The following SLC25A31 variants were observed in gnomAD, a reference collection of about 807,000 sequenced individuals.
SLC25A31 encodes ADP/ATP translocase 4.
Under a neutral mutation model 36.2 loss-of-function variants are expected in SLC25A31, and 40 were observed. That is an observed-to-expected ratio of 1.10 (90% confidence interval 0.86 to 1.44). The LOEUF (loss-of-function observed/expected upper bound fraction) is 1.44, where lower values mean the gene tolerates loss of function less well. SLC25A31 is among the 40% of genes most tolerant of loss of function. The probability of loss-of-function intolerance (pLI) is 0.00; values close to 1 mark genes in which losing one functional copy is unlikely to be tolerated. For synonymous variants in SLC25A31, 143 were observed against 149.7 expected (o/e 0.96, Z 0.32); for missense variants, 350 against 397.1 (o/e 0.88, Z 1.01).
intron 2 of SLC25A31, among the ~76,000 whole-genome samples, chr4:127,747,393 G>A (rs1295268113): frequency 1.3e-5 from 2 of 152,140 alleles, no homozygotes; most frequent in African/African-American, 4.8e-5. Flanking sequence ...TCCTGTCCAT[G>A]AGCATTGGAT....
In SLC25A31 at chr4:127,768,831, T is replaced by C. The variant is rs1732296449; in HGVS notation, c.713T>C (p.Ile238Thr). Residue 238 changes from isoleucine to threonine, a missense_variant, in exon 5 of 6, where the codon ATA (isoleucine) becomes ACA (threonine). Transcript: ENST00000281154. ...CAAGTTGTGACTACATGCTCTGGAA[T>C]ACTTTCTTATCCCTTTGACACAGTT... ...IAQVVTTCSG[I>T]LSYPFDTVRR... The C allele has an allele frequency of 6.2e-7, 1 of 1,608,964 alleles. No homozygotes were observed. Among genetic ancestry groups the C allele is most frequent in the Non-Finnish European group, 8.5e-7 (1 of 1,177,788 alleles).
At chr4:127,753,435 C>G (rs962634512) in intron 2 of SLC25A31, among the ~76,000 whole-genome samples, 2 of 151,876 alleles carry the variant, frequency 1.3e-5, no homozygotes, top group African/African-American at 4.8e-5. Context: ...TTGGCTAGGA[C>G]TAAAAATAAG....
intron 1 of SLC25A31, among the ~76,000 whole-genome samples, chr4:127,732,605 ATT>A (rs1731549667): frequency 6.6e-6 from 1 of 152,206 alleles, no homozygotes; most frequent in Non-Finnish European, 1.5e-5. Flanking sequence ...TTTATTTCAT[ATT>A]TTAAATGTTT....
At chr4:127,761,378 G>T (rs1160251262) in intron 2 of SLC25A31, among the ~76,000 whole-genome samples, 1 of 152,094 alleles carries the variant, frequency 6.6e-6, no homozygotes, top group East Asian at 1.9e-4. Flanking sequence ...ATTTTGTTTG[G>T]TTGATGTGCT....
intron 1 of SLC25A31, among the ~76,000 whole-genome samples, chr4:127,741,439 C>A (rs553837064): frequency 6.6e-6 from 1 of 152,190 alleles, no homozygotes; most frequent in South Asian, 2.1e-4. Flanking sequence ...AAGATAAATT[C>A]TGTCAAATGC....
At chr4:127,749,522 G>A (rs200882511) in intron 2 of SLC25A31, among the ~76,000 whole-genome samples, 1 of 152,180 alleles carries the variant, frequency 6.6e-6, no homozygotes, top group East Asian at 1.9e-4. Context: ...GAGCCAGGCG[G>A]ATCACGAGGT....
At chr4:127,740,142 G>C (rs1030449535) in intron 1 of SLC25A31, among the ~76,000 whole-genome samples, 18 of 152,228 alleles carry the variant, frequency 1.2e-4, no homozygotes, top group Admixed American at 1.1e-3. Context: ...CACATTTTTT[G>C]TGGTGCCTGA....
intron 1 of SLC25A31, among the ~76,000 whole-genome samples, chr4:127,737,076 C>A (rs1731646585): frequency 6.6e-6 from 1 of 152,172 alleles, no homozygotes; most frequent in African/African-American, 2.4e-5. Flanking sequence ...GAGTTTCTAA[C>A]AGCAAGGTAC....
Position 127,730,479 on chromosome 4 carries a change from T to G in SLC25A31, c.-67T>G. ...CTGCAGCGGTTTTCCGGTTTTCCGCTTCCCTTCATCGTAGCTCCCGTACTC... is the reference window on the plus strand; with the variant it reads ...CTGCAGCGGTTTTCCGGTTTTCCGCGTCCCTTCATCGTAGCTCCCGTACTC... On this transcript the variant is annotated 5_prime_UTR_variant, in exon 1 of 6. Coordinates refer to ENST00000281154, the MANE Select transcript of SLC25A31 (RefSeq NM_031291.4). The G allele has an allele frequency of 6.6e-7, 1 of 1,515,882 alleles. No individual in the cohort carries two copies. The highest frequency in any genetic ancestry group is 2.3e-5 in the East Asian group (1 of 43,780). The allele number at this position is 1,515,882 out of a possible 1,614,324, so 93.9% of individuals were successfully genotyped here. A position where few individuals can be genotyped will look rare whatever the true frequency, so the allele number is the denominator to read the frequency against.
rs377425288 is a variant in SLC25A31 at position 127,768,850 on chromosome 4, C to T, written c.732C>T (p.Asp244=). 1 of 1,603,846 alleles carries T rather than the reference C, an allele frequency of 6.2e-7. No homozygotes were observed. The highest frequency in any genetic ancestry group is 8.5e-7 in the Non-Finnish European group (1 of 1,176,014). The part of the protein sequence containing the change: ...TCSGILSYPF[D]TVRRRMMMQS... Reference sequence around the variant, plus strand: ...CTGGAATACTTTCTTATCCCTTTGACACAGTTAGAAGACGTATGATGATGC... The same window carrying T: ...CTGGAATACTTTCTTATCCCTTTGATACAGTTAGAAGACGTATGATGATGC... The change falls in exon 5 of 6, where the codon GAC becomes GAT. Residue 244 remains aspartate, a synonymous_variant. Coordinates refer to ENST00000281154, the MANE Select transcript of SLC25A31 (RefSeq NM_031291.4).
At position 127,764,468 on chromosome 4, in the gene SLC25A31, A is replaced by C. The variant is rs1222228877; in HGVS notation, c.478+108A>C. ...TAGTGTTACCAGATAAAGTCTACGAACTTTGTTCTCAACCAAATGGTGGAG... is the reference window on the plus strand; with the variant it reads ...TAGTGTTACCAGATAAAGTCTACGACCTTTGTTCTCAACCAAATGGTGGAG... On this transcript the variant is annotated intron_variant, in intron 3 of 5. Transcript: ENST00000281154. The C allele has an allele frequency of 3.4e-5, 31 of 904,166 alleles. No individual in the cohort carries two copies. The Middle Eastern group carries it at 1.3e-3, about 39-fold the overall frequency. The allele number at this position is 904,166 out of a possible 1,614,324, so 56.0% of individuals were successfully genotyped here.
chr4:127,761,620 T>C (rs2148762489), intron 2 of SLC25A31, among the ~76,000 whole-genome samples: 1 of 152,326 alleles, frequency 6.6e-6, no homozygotes, highest in African/African-American at 2.4e-5. Context: ...TATTTTCTTA[T>C]TCCTTTAAAT....
intron 4 of SLC25A31, among the ~76,000 whole-genome samples, chr4:127,767,682 T>C (rs1732271137): frequency 2.0e-5 from 3 of 152,168 alleles, no homozygotes; most frequent in Non-Finnish European, 2.9e-5. Context: ...TGTTAGATTC[T>C]GTGTTGTATT....
chr4:127,733,105 G>A (rs1259688025), intron 1 of SLC25A31, among the ~76,000 whole-genome samples: 2 of 152,008 alleles, frequency 1.3e-5, no homozygotes, highest in Admixed American at 6.6e-5. Context: ...ACATTGTCTG[G>A]GGCATGATTT....
chr4:127,733,809 G>T (rs1256982477), intron 1 of SLC25A31, among the ~76,000 whole-genome samples: 1 of 152,168 alleles, frequency 6.6e-6, no homozygotes. Flanking sequence ...TGGAGAAAGA[G>T]ATATGAACAC....
chr4:127,739,806 C>G (rs963978936), intron 1 of SLC25A31, among the ~76,000 whole-genome samples: 1 of 151,832 alleles, frequency 6.6e-6, no homozygotes, highest in African/African-American at 2.4e-5. Flanking sequence ...TTTTGTCTAA[C>G]TGGGTTAAAG....
At chr4:127,770,301 A>G (rs1031993322) in intron 5 of SLC25A31, among the ~76,000 whole-genome samples, 4 of 152,214 alleles carry the variant, frequency 2.6e-5, no homozygotes, top group African/African-American at 9.7e-5. Context: ...TACTTTGGAT[A>G]TGTAAGAAAA....
Position 127,730,559 on chromosome 4 carries a change from C to T in SLC25A31, c.14C>T (p.Pro5Leu), listed in dbSNP as rs145350951. ...TCCTTCTCCATCATGCATCGTGAGC[C>T]TGCGAAAAAGAAGGCAGAAAAGCGG... MHRE[P>L]AKKKAEKRLF... Residue 5 changes from proline (P) to leucine (L), a missense_variant, in exon 1 of 6, where the codon CCT becomes CTT. Transcript: ENST00000281154. The T allele has an allele frequency of 4.0e-5, 64 of 1,613,708 alleles. No individual in the cohort carries two copies. In the African/African-American group the frequency reaches 5.3e-4, roughly 13 times the overall value.
Position 127,749,296 on chromosome 4 carries a change from G to A in SLC25A31, c.360+4497G>A, listed in dbSNP as rs553851444. 1.1e-4 allele frequency among the ~76,000 whole-genome samples: 16 copies of A among 152,290 alleles called. No individual in the cohort carries two copies. In the South Asian group the frequency reaches 2.7e-3, roughly 26 times the overall value. On this transcript the variant is annotated intron_variant, in intron 2 of 5. Coordinates refer to ENST00000281154, the MANE Select transcript of SLC25A31 (RefSeq NM_031291.4). ...ATGAGACACCATCAAATGTACAAAT[G>A]TGTGAATTATGGCAGTACACAATGA...
Sources: allele counts gnomAD v4.1 joint callset (sites outside exome capture counted in the v4.1 genomes callset), GRCh38; gene constraint gnomAD v4.1.1; transcripts MANE v1.5; gene names NCBI Gene and HGNC (gene_info 2026-07-23, HGNC 2026-07-21).